Variants in SPAG16 observed in about 807,000 individuals in gnomAD.
SPAG16 encodes the protein sperm-associated antigen 16 protein.
SPAG16 carries 86 observed loss-of-function variants against 80.4 expected under a neutral mutation model. The ratio of observed to expected loss-of-function variants is 1.07; its 90% CI spans 0.90 to 1.28. SPAG16 has a LOEUF of 1.28. Ranked by LOEUF, SPAG16 falls within the 50% of genes most tolerant of loss-of-function variation. SPAG16 has a pLI of 0.00. For synonymous variants in SPAG16, 294 were observed against 265.9 expected (o/e 1.11, Z -1.03); for missense variants, 870 against 765.3 (o/e 1.14, Z -1.61).
chr2:214,047,575 G>A (rs10932522), intron 13 of SPAG16, among the ~76,000 whole-genome samples: 99,198 of 151,960 alleles, frequency 0.65, 32,534 homozygotes, highest in African/African-American at 0.69. Flanking sequence ...ATAAGACTTC[G>A]AACAATGAAA....
intron 10 of SPAG16, among the ~76,000 whole-genome samples, chr2:213,563,250 A>G (rs1318687048): frequency 1.3e-5 from 2 of 152,080 alleles, no homozygotes; most frequent in Non-Finnish European, 2.9e-5. Flanking sequence ...TTTAAATGAC[A>G]GATTTTTTTT....
intron 10 of SPAG16, among the ~76,000 whole-genome samples, chr2:213,529,211 G>A (rs1158574555): frequency 6.6e-6 from 1 of 152,174 alleles, no homozygotes; most frequent in East Asian, 1.9e-4. Context: ...TGTTTAAAAT[G>A]TTTTTAACAT....
Position 213,658,766 on chromosome 2 carries a change from C to T in SPAG16, c.1070+168676C>T, listed in dbSNP as rs149863137. Among the ~76,000 whole-genome samples, 11 of 152,306 alleles carry T rather than the reference C, an allele frequency of 7.2e-5. 1 individual carries two copies. The highest frequency in any genetic ancestry group is 2.4e-4 in the African/African-American group (10 of 41,570). ...TTGAAAAACAACACTAGGCCAGGCACTGTGGCTCACGCTTGTAATTCCAGC... is the reference window on the plus strand; with the variant it reads ...TTGAAAAACAACACTAGGCCAGGCATTGTGGCTCACGCTTGTAATTCCAGC... On this transcript the variant is annotated intron_variant, in intron 10 of 15. Coordinates refer to ENST00000331683, the MANE Select transcript of SPAG16 (RefSeq NM_024532.5).
chr2:214,360,630 T>C (rs1161695227), intron 15 of SPAG16, among the ~76,000 whole-genome samples: 1 of 151,918 alleles, frequency 6.6e-6, no homozygotes, highest in Non-Finnish European at 1.5e-5. Flanking sequence ...TCAAAATAGA[T>C]GAAATCACTT....
chr2:213,913,369 A>G (rs2077767927), intron 11 of SPAG16, among the ~76,000 whole-genome samples: 2 of 152,048 alleles, frequency 1.3e-5, no homozygotes, highest in African/African-American at 2.4e-5. Flanking sequence ...GAGATTGTAT[A>G]TGTTGAAGCA....
chr2:214,332,722 C>T (rs541686872), intron 15 of SPAG16, among the ~76,000 whole-genome samples: 59 of 152,254 alleles, frequency 3.9e-4, no homozygotes, highest in African/African-American at 1.4e-3. Flanking sequence ...GACTACCACG[C>T]TCCATCTTTT....
chr2:214,250,735 T>TAG (rs1254765248), intron 15 of SPAG16, among the ~76,000 whole-genome samples: 36 of 69,100 alleles, frequency 5.2e-4, no homozygotes, highest in Non-Finnish European at 5.3e-4. Context: ...AGCTTTGAGA[T>TAG]ATATATATAT....
chr2:214,111,233 A>G (rs982525666), intron 14 of SPAG16, among the ~76,000 whole-genome samples: 7 of 152,134 alleles, frequency 4.6e-5, no homozygotes, highest in African/African-American at 7.2e-5. Flanking sequence ...GGTATTCCCT[A>G]GGTTTTCCTC....
intron 15 of SPAG16, chr2:214,238,162 G>T: frequency 2.3e-6 from 1 of 435,976 alleles, no homozygotes; most frequent in South Asian, 1.7e-5. Flanking sequence ...TTATAGACTA[G>T]GAGCTCAGAT....
At chr2:214,232,181 A>G (rs1321973953) in intron 15 of SPAG16, among the ~76,000 whole-genome samples, 1 of 152,024 alleles carries the variant, frequency 6.6e-6, no homozygotes, top group East Asian at 1.9e-4. Context: ...AAGAAGTTGT[A>G]GAAAAAAAGT....
intron 6 of SPAG16, among the ~76,000 whole-genome samples, chr2:213,344,779 T>C (rs1306115730): frequency 1.3e-4 from 20 of 152,164 alleles, no homozygotes; most frequent in Admixed American, 7.2e-4. Context: ...CAGTCTATCA[T>C]TGTTGGACAT....
At chr2:213,298,268 C>T (rs1461823652) in intron 3 of SPAG16, among the ~76,000 whole-genome samples, 1 of 152,158 alleles carries the variant, frequency 6.6e-6, no homozygotes, top group Non-Finnish European at 1.5e-5. Flanking sequence ...TCTAATGAAT[C>T]CCATGGACAT....
chr2:213,397,334 T>C (rs1394104726), intron 9 of SPAG16, among the ~76,000 whole-genome samples: 1 of 152,174 alleles, frequency 6.6e-6, no homozygotes, highest in Non-Finnish European at 1.5e-5. Context: ...TCCACTCAAA[T>C]GTAGCATAGG....
chr2:213,751,361 G>A (rs1414858861), intron 10 of SPAG16, among the ~76,000 whole-genome samples: 1 of 152,008 alleles, frequency 6.6e-6, no homozygotes, highest in South Asian at 2.1e-4. Flanking sequence ...TGCTAATCAC[G>A]AGAAAACCTA....
chr2:214,152,232 A>G (rs2056009569), intron 15 of SPAG16, among the ~76,000 whole-genome samples: 1 of 152,204 alleles, frequency 6.6e-6, no homozygotes, highest in Non-Finnish European at 1.5e-5. Flanking sequence ...ATAAAAGTAT[A>G]TATGTACTAA....
At chr2:213,550,312 G>T (rs1388884404) in intron 10 of SPAG16, among the ~76,000 whole-genome samples, 2 of 151,254 alleles carry the variant, frequency 1.3e-5, no homozygotes, top group South Asian at 4.2e-4. Flanking sequence ...CAAAGTCCTA[G>T]TCTTCTTTCT....
intron 10 of SPAG16, among the ~76,000 whole-genome samples, chr2:213,660,296 A>T (rs2063373528): frequency 4.0e-5 from 6 of 150,772 alleles, no homozygotes; most frequent in South Asian, 4.2e-4. Context: ...TCTGAGACAG[A>T]GTCTCACTTT....
chr2:213,567,493 T>G (rs2125999459), intron 10 of SPAG16, among the ~76,000 whole-genome samples: 1 of 120,230 alleles, frequency 8.3e-6, no homozygotes, highest in East Asian at 2.3e-4. Flanking sequence ...TTTGGTTTTT[T>G]GTTCTTGCGA....
chr2:214,289,877 TTTTAG>T (rs1172376578), intron 15 of SPAG16, among the ~76,000 whole-genome samples: 1 of 152,084 alleles, frequency 6.6e-6, no homozygotes, highest in Non-Finnish European at 1.5e-5. Context: ...TGAACTGTAG[TTTTAG>T]TTTGTTGTTG....
Sources: gnomAD v4.1 joint callset for allele counts (sites outside exome capture counted in the v4.1 genomes callset) on GRCh38, gnomAD v4.1.1 for gene constraint, MANE v1.5 for transcripts, NCBI Gene and HGNC (gene_info 2026-07-23, HGNC 2026-07-21) for gene names.